The following HEMK2 variants were observed in gnomAD, a reference collection of about 807,000 sequenced individuals.
HEMK2 encodes the protein HemK methyltransferase 2, ETF1 glutamine and histone H4 lysine.
chr21:28,863,415 TATATATATATATATATATATATATATATA>T, the HEMK2 span, among the ~76,000 whole-genome samples: 272 of 7,818 alleles, frequency 0.035, 20 homozygotes, highest in African/African-American at 0.064. Flanking sequence ...CCCTTTTATA[TATATATATATATATATATATATATATATA>T]TATATATATA....
chr21:28,762,434 A>G, the HEMK2 span, among the ~76,000 whole-genome samples: 2 of 151,896 alleles, frequency 1.3e-5, no homozygotes, highest in Non-Finnish European at 1.5e-5. Context: ...CACTATAAAA[A>G]CAAGGCCTCT....
chr21:28,642,985 G>C, the HEMK2 span, among the ~76,000 whole-genome samples: 4 of 152,318 alleles, frequency 2.6e-5, no homozygotes, highest in East Asian at 7.7e-4. Flanking sequence ...TCCAGGGTAA[G>C]GGTGGGGTTT....
the HEMK2 span, among the ~76,000 whole-genome samples, chr21:28,810,913 T>C: frequency 6.6e-6 from 1 of 152,160 alleles, no homozygotes; most frequent in Non-Finnish European, 1.5e-5. Context: ...TTCCAGAGTT[T>C]GAATAACAAG....
At chr21:28,784,003 C>T in the HEMK2 span, among the ~76,000 whole-genome samples, 50 of 152,342 alleles carry the variant, frequency 3.3e-4, no homozygotes, top group East Asian at 5.6e-3. Flanking sequence ...CGGGGCAGGG[C>T]TCGGGAACTG....
chr21:28,870,391 T>C, the HEMK2 span, among the ~76,000 whole-genome samples: 1 of 150,824 alleles, frequency 6.6e-6, no homozygotes, highest in South Asian at 2.1e-4. Context: ...TTCAGTTAAT[T>C]TTCAAAATGT....
At chr21:28,880,290 A>G in the HEMK2 span, among the ~76,000 whole-genome samples, 1 of 152,224 alleles carries the variant, frequency 6.6e-6, no homozygotes, top group Non-Finnish European at 1.5e-5. Context: ...TAAGTTTACA[A>G]CTATATATGC....
the HEMK2 span, among the ~76,000 whole-genome samples, chr21:28,599,758 A>G: frequency 6.6e-6 from 1 of 152,252 alleles, no homozygotes; most frequent in East Asian, 1.9e-4. Context: ...TAAAATTAAA[A>G]GCAAGTTAGT....
the HEMK2 span, among the ~76,000 whole-genome samples, chr21:28,599,355 G>T: frequency 2.0e-5 from 3 of 152,208 alleles, no homozygotes; most frequent in Non-Finnish European, 2.9e-5. Context: ...CAAAAGGCAT[G>T]TCTTACATGG....
the HEMK2 span, among the ~76,000 whole-genome samples, chr21:28,793,550 TAC>T: frequency 6.6e-6 from 1 of 152,234 alleles, no homozygotes; most frequent in Admixed American, 6.5e-5. Context: ...AAATAGTTCA[TAC>T]ACATCCAAAG....
At chr21:28,846,884 G>T in the HEMK2 span, among the ~76,000 whole-genome samples, 2 of 152,036 alleles carry the variant, frequency 1.3e-5, no homozygotes, top group African/African-American at 4.8e-5. Flanking sequence ...AGAGTATGTG[G>T]CATTTGTTTT....
chr21:28,652,901 A>G, the HEMK2 span, among the ~76,000 whole-genome samples: 7 of 152,100 alleles, frequency 4.6e-5, no homozygotes, highest in African/African-American at 1.2e-4. Context: ...GTGCCATGAC[A>G]GTTTACAAAT....
At chr21:28,766,317 T>TAAAA in the HEMK2 span, among the ~76,000 whole-genome samples, 1 of 149,454 alleles carries the variant, frequency 6.7e-6, no homozygotes, top group African/African-American at 2.5e-5. Flanking sequence ...TTTTTTTTTT[T>TAAAA]AAAAAAGAAT....
chr21:28,869,871 A>C, the HEMK2 span, among the ~76,000 whole-genome samples: 3 of 152,312 alleles, frequency 2.0e-5, no homozygotes, highest in East Asian at 3.9e-4. Flanking sequence ...ATCGTGGCCC[A>C]GTTCACATGA....
the HEMK2 span, among the ~76,000 whole-genome samples, chr21:28,837,782 T>C: frequency 8.4e-3 from 1,279 of 152,134 alleles, 17 homozygotes; most frequent in African/African-American, 0.029. Flanking sequence ...ATAAAATTGA[T>C]AGACTATTAG....
the HEMK2 span, among the ~76,000 whole-genome samples, chr21:28,631,266 A>G: frequency 6.6e-6 from 1 of 152,228 alleles, no homozygotes; most frequent in Non-Finnish European, 1.5e-5. Flanking sequence ...CTGTGGAATC[A>G]GGTGAGATTG....
the HEMK2 span, among the ~76,000 whole-genome samples, chr21:28,880,322 G>A: frequency 3.3e-5 from 5 of 152,034 alleles, no homozygotes; most frequent in South Asian, 2.1e-4. Flanking sequence ...CAATTTTTCC[G>A]ATATCTGTAC....
At chr21:28,662,552 T>C in the HEMK2 span, among the ~76,000 whole-genome samples, 30 of 152,162 alleles carry the variant, frequency 2.0e-4, no homozygotes, top group Admixed American at 1.9e-3. Flanking sequence ...TCATCTTGAA[T>C]TGTAGTTCCT....
chr21:28,702,103 G>C, the HEMK2 span, among the ~76,000 whole-genome samples: 1 of 152,034 alleles, frequency 6.6e-6, no homozygotes, highest in Non-Finnish European at 1.5e-5. Flanking sequence ...TTTAATAAAC[G>C]GTTCTGGGAT....
the HEMK2 span, among the ~76,000 whole-genome samples, chr21:28,712,156 C>A: frequency 6.7e-6 from 1 of 148,378 alleles, no homozygotes; most frequent in African/African-American, 2.4e-5. Context: ...GCATGTTATA[C>A]ACAGCCTTTG....
Sources: allele counts gnomAD v4.1 joint callset (sites outside exome capture counted in the v4.1 genomes callset), GRCh38; gene constraint gnomAD v4.1.1; transcripts MANE v1.5; gene names NCBI Gene and HGNC (gene_info 2026-07-23, HGNC 2026-07-21).